PLOD3: variants seen among roughly 807,000 people sequenced by gnomAD.
The protein encoded by PLOD3 is multifunctional procollagen lysine hydroxylase and glycosyltransferase LH3.
PLOD3 carries 73 observed loss-of-function variants against 96.9 expected under a neutral mutation model. The ratio of observed to expected loss-of-function variants is 0.75; its 90% confidence interval spans 0.62 to 0.92. The LOEUF is 0.92. Among genes scored for constraint, PLOD3 ranks in the 40% least tolerant of loss-of-function variants. The pLI, the probability that PLOD3 is intolerant of heterozygous loss-of-function variation, is 0.00. For missense variants in PLOD3, 1,004 were observed against 1,004.3 expected, an observed-to-expected ratio of 1.00 and a Z score of 0.00; for synonymous variants, 454 against 413.7, an observed-to-expected ratio of 1.10 and a Z score of -1.18.
At position 101,206,835 on chromosome 7, in the gene PLOD3, C is replaced by A; in HGVS notation, c.2005G>T (p.Asp669Tyr). The A allele has an allele frequency of 6.4e-7, 1 of 1,574,332 alleles. No individual in the cohort carries two copies. Among genetic ancestry groups the A allele is most frequent in the Non-Finnish European group, 8.6e-7 (1 of 1,159,620 alleles). ...DEQPSLRPHH[D>Y]SSTFTLNVAL... ...ACGTTGAGGGTGAAGGTGGATGAGT[C>A]GTGGTGTGGCCGCAGAGACGGCTGC... Residue 669 changes from aspartate (D) to tyrosine (Y), a missense_variant, in exon 18 of 19, where the codon GAC (aspartate) becomes TAC (tyrosine). Coordinates refer to ENST00000223127, the MANE Select transcript of PLOD3 (RefSeq NM_001084.5).
chr7:101,210,227 C>T (rs1798159787), intron 14 of PLOD3, 66 bp from the exon 15 acceptor site: 1 of 1,482,062 alleles, frequency 6.7e-7, no homozygotes, highest in Non-Finnish European at 9.3e-7. Context: ...GGGGACCGCC[C>T]CCTCCCACTC....
At position 101,209,626 on chromosome 7, in the gene PLOD3, A is replaced by AG. The variant is rs1169573528; in HGVS notation, c.1683+466dup. On this transcript the variant is annotated intron_variant, in intron 15 of 18. Coordinates refer to ENST00000223127, the MANE Select transcript of PLOD3 (RefSeq NM_001084.5). ...AGGCTGGTCTCGAACTCCTGACCTC[A>AG]GGTGATCTGCCTGCCTCGGCCTCTC... Among the ~76,000 whole-genome samples the AG allele has an allele frequency of 4.1e-5, 6 of 147,682 alleles. No homozygotes were observed. In the Admixed American group the frequency reaches 4.2e-4, roughly 10 times the overall value.
chr7:101,209,024 G>C (rs1205754872), intron 15 of PLOD3, 67 bp from the exon 16 acceptor site: 2 of 1,142,842 alleles, frequency 1.8e-6, no homozygotes, highest in Admixed American at 1.7e-5. Flanking sequence ...ACAGGCAGCA[G>C]GCAGAATGGG....
intron 16 of PLOD3, 38 bp from the exon 17 acceptor site, chr7:101,207,762 C>T (rs1247294705): frequency 5.0e-6 from 8 of 1,612,198 alleles, no homozygotes; most frequent in Non-Finnish European, 6.8e-6. Flanking sequence ...GCCCCTCCAG[C>T]CATGGCGCTC....
rs1165110312 is a variant in PLOD3 at position 101,206,919 on chromosome 7, G to A, written c.1936-15C>T. The A allele has an allele frequency of 1.9e-6, 3 of 1,554,538 alleles. No individual in the cohort carries two copies. The highest frequency in any genetic ancestry group is 4.8e-5 in the East Asian group (2 of 41,488). ...ACCGCCCGCGCCTGGGGGAGAGGAG[G>A]GAAGAGGCTGCAGGGACAGCTGCGG... On this transcript the variant is annotated splice_polypyrimidine_tract_variant and intron_variant, in intron 17 of 18. Coordinates refer to ENST00000223127, the MANE Select transcript of PLOD3 (RefSeq NM_001084.5).
chr7:101,206,279 T>A lies in PLOD3; in HGVS notation c.*2A>T. The A allele has an allele frequency of 6.2e-7, 1 of 1,613,580 alleles. No individual in the cohort carries two copies. Among genetic ancestry groups the A allele is most frequent in the South Asian group, 1.1e-5 (1 of 91,056 alleles). On this transcript the variant is annotated 3_prime_UTR_variant, in exon 19 of 19. Transcript: ENST00000223127. ...GGGCAGGTTTGGCAGAGTGGTTGAGTGTCAGGGGTCGACAAAGGACACCAT... is the reference window on the plus strand; with the variant it reads ...GGGCAGGTTTGGCAGAGTGGTTGAGAGTCAGGGGTCGACAAAGGACACCAT...
At chr7:101,213,077 C>CGGGGGG in intron 7 of PLOD3, 30 bp downstream of exon 7, 1 of 740,906 alleles carries the variant, frequency 1.3e-6, no homozygotes, top group Non-Finnish European at 2.0e-6. Flanking sequence ...TGGGGCAGGG[C>CGGGGGG]GGGGCGGGGG....
At position 101,207,705 on chromosome 7, in the gene PLOD3, C is replaced by A; in HGVS notation, c.1808G>T (p.Gly603Val). The A allele has an allele frequency of 6.2e-7, 1 of 1,614,080 alleles. No individual in the cohort carries two copies. The highest frequency in any genetic ancestry group is 8.5e-7 in the Non-Finnish European group (1 of 1,179,984). The change falls in exon 17 of 19, where the codon GGC (glycine) becomes GTC (valine). Residue 603 changes from glycine to valine, a missense_variant. Around this residue, in one of 5 missense-constraint regions of PLOD3, gnomAD observed 222 missense variants for 220.4 expected, o/e 1.01. Transcript: ENST00000223127. The part of the protein sequence containing the change: ...GRHEDSRLAG[G>V]YENVPTVDIH... ...GTCCACGGTGGGCACATTCTCGTAGCCTCCAGCCAGCCTTGAATCCTGGGG... is the reference window on the plus strand; with the variant it reads ...GTCCACGGTGGGCACATTCTCGTAGACTCCAGCCAGCCTTGAATCCTGGGG...
chr7:101,216,357 T>A (rs1011501443), intron 3 of PLOD3, 31 bp from the exon 4 acceptor site: 11 of 1,613,154 alleles, frequency 6.8e-6, no homozygotes, highest in Non-Finnish European at 9.3e-6. Context: ...TGGGCAGGGG[T>A]CCACTGGGAA....
intron 14 of PLOD3, 63 bp from the exon 15 acceptor site, chr7:101,210,224 GC>G: frequency 1.4e-6 from 2 of 1,476,446 alleles, no homozygotes; most frequent in South Asian, 1.2e-5. Flanking sequence ...CCAGGGGACC[GC>G]CCCCTCCCAC....
At chr7:101,208,982 G>A (rs1356197704) in intron 15 of PLOD3, 25 bp from the exon 16 acceptor site, 1 of 1,528,458 alleles carries the variant, frequency 6.5e-7, no homozygotes, top group Non-Finnish European at 9.1e-7. Context: ...AGGGAGAACA[G>A]GGCTAGCTGA....
At chr7:101,213,953 C>G (rs1227555088) in intron 6 of PLOD3, among the ~76,000 whole-genome samples, 1 of 152,058 alleles carries the variant, frequency 6.6e-6, no homozygotes, top group African/African-American at 2.4e-5. Flanking sequence ...CCTGCCTCGG[C>G]CTCCCAAAGT....
At chr7:101,206,658 T>TA in intron 18 of PLOD3, 121 bp downstream of exon 18, 1 of 1,228,800 alleles carries the variant, frequency 8.1e-7, no homozygotes, top group Non-Finnish European at 1.2e-6. Context: ...CAGGAGCTGA[T>TA]ACCCACAAAG....
At position 101,208,971 on chromosome 7, in the gene PLOD3, G is replaced by A. The variant is rs768842617; in HGVS notation, c.1684-14C>T. ...GTCCGGGCATGGCTGAGGATGGGGC[G>A]AGGGAGAACAGGGCTAGCTGACGCC... is the stretch of plus-strand genomic sequence containing the variant. On this transcript the variant is annotated splice_polypyrimidine_tract_variant and intron_variant, in intron 15 of 18. Transcript: ENST00000223127. 5 of 1,582,114 alleles carry A rather than the reference G, an allele frequency of 3.2e-6. No individual in the cohort carries two copies. Among genetic ancestry groups the A allele is most frequent in the Middle Eastern group, 1.7e-4 (1 of 5,978 alleles).
In PLOD3 at chr7:101,213,197, C is replaced by T. The variant is rs766923432; in HGVS notation, c.687G>A (p.Val229=). The T allele has an allele frequency of 1.2e-6, 2 of 1,610,690 alleles. No individual in the cohort carries two copies. Among genetic ancestry groups the T allele is most frequent in the Admixed American group, 3.3e-5 (2 of 59,990 alleles). ...CACGGTTCCGATCAAACTTTAAAAC[C>T]ACTTCATCTGGGGAAGAAAAAGGCC... ...FQNLNGALDE[V]VLKFDRNRVR... The change falls in exon 7 of 19, where the codon GTG becomes GTA. Residue 229 remains valine (V), a synonymous_variant. Coordinates refer to ENST00000223127, the MANE Select transcript of PLOD3 (RefSeq NM_001084.5).
At position 101,206,821 on chromosome 7, in the gene PLOD3, G is replaced by A. The variant is rs1465032842; in HGVS notation, c.2019C>T (p.Phe673=). Residue 673 remains phenylalanine, a synonymous_variant, in exon 18 of 19, where the codon TTC becomes TTT. Transcript: ENST00000223127. The part of the protein sequence containing the change: ...SLRPHHDSST[F]TLNVALNHKG... ...TGTGGTTGAGGGCAACGTTGAGGGTGAAGGTGGATGAGTCGTGGTGTGGCC... is the reference window on the plus strand; with the variant it reads ...TGTGGTTGAGGGCAACGTTGAGGGTAAAGGTGGATGAGTCGTGGTGTGGCC... 3.2e-6 allele frequency: 5 copies of A among 1,579,178 alleles called. No individual in the cohort carries two copies. Among genetic ancestry groups the A allele is most frequent in the Non-Finnish European group, 2.6e-6 (3 of 1,162,158 alleles).
chr7:101,211,334 C>A (rs1325282408), intron 12 of PLOD3: 2 of 460,734 alleles, frequency 4.3e-6, no homozygotes, highest in East Asian at 7.8e-5. Flanking sequence ...CACGCACCAC[C>A]GTGCCCAGCT....
At chr7:101,212,799 G>A (rs1798207163) in intron 8 of PLOD3, 43 bp downstream of exon 8, 1 of 1,563,976 alleles carries the variant, frequency 6.4e-7, no homozygotes, top group East Asian at 2.2e-5. Context: ...CTCCTGCTCA[G>A]CACGCTGCCC....
Position 101,216,224 on chromosome 7 carries a change from C to T in PLOD3, c.441G>A (p.Glu147=). ...LFSAESFCWP[E]WGLAEQYPEV... is the part of the protein sequence containing the mutation. ...CAGGGTACTGCTCCGCCAGCCCCCA[C>T]TCGGGCCAGCAGAAGCTCTCTGCAG... Residue 147 remains glutamate, a synonymous_variant, in exon 4 of 19, where the codon GAG becomes GAA. Coordinates refer to ENST00000223127, the MANE Select transcript of PLOD3 (RefSeq NM_001084.5). 1.1e-5 allele frequency: 17 copies of T among 1,613,970 alleles called. No individual in the cohort carries two copies. Among genetic ancestry groups the T allele is most frequent in the Middle Eastern group, 1.6e-4 (1 of 6,062 alleles).
Sources: gnomAD v4.1 joint callset for allele counts (sites outside exome capture counted in the v4.1 genomes callset) on GRCh38, gnomAD v4.1.1 for gene constraint, gnomAD v4.1.1 regional missense constraint, MANE v1.5 for transcripts, NCBI Gene and HGNC (gene_info 2026-07-23, HGNC 2026-07-21) for gene names.